GRB10: variants seen among roughly 807,000 people sequenced by gnomAD.
GRB10 encodes the protein growth factor receptor bound protein 10.
GRB10 carries 20 observed loss-of-function variants against 80.9 expected under a neutral mutation model. That is an observed-to-expected ratio of 0.25 (90% CI 0.17 to 0.36). GRB10 has a LOEUF of 0.36. Ranked by LOEUF, GRB10 falls within the 10% of genes least tolerant of loss-of-function variation. The probability of loss-of-function intolerance (pLI) is 1.00; values close to 1 mark genes in which losing one functional copy is unlikely to be tolerated. For missense variants in GRB10, 548 were observed against 747.7 expected, an observed-to-expected ratio of 0.73 and a Z score of 3.12; for synonymous variants, 291 against 291.5, an observed-to-expected ratio of 1.00 and a Z score of 0.02.
rs1173267526 is a variant in GRB10 at position 50,605,283 on chromosome 7, G to T, written c.1389+7C>A. ...CCCCTCCAGGCTGGCCAGGGCCGGG[G>T]CCTTACCCTCCAGGCGTGGCCCTCC... On this transcript the variant is annotated splice_region_variant and intron_variant, in intron 15 of 18. Transcript: ENST00000401949. The T allele has an allele frequency of 6.2e-7, 1 of 1,605,986 alleles. No individual in the cohort carries two copies. Among genetic ancestry groups the T allele is most frequent in the Non-Finnish European group, 8.5e-7 (1 of 1,173,712 alleles).
intron 17 of GRB10, among the ~76,000 whole-genome samples, chr7:50,597,041 G>T (rs2153561850): frequency 6.6e-6 from 1 of 152,294 alleles, no homozygotes. Context: ...AAATCACCAG[G>T]TCTAGATTGT....
chr7:50,781,741 GT>G (rs2078302615), intron 1 of GRB10, among the ~76,000 whole-genome samples: 1 of 152,212 alleles, frequency 6.6e-6, no homozygotes, highest in Non-Finnish European at 1.5e-5. Context: ...TGATCCGATT[GT>G]TTTTCTAAAG....
intron 13 of GRB10, among the ~76,000 whole-genome samples, chr7:50,611,207 C>T (rs1001657870): frequency 6.6e-6 from 1 of 152,204 alleles, no homozygotes; most frequent in African/African-American, 2.4e-5. Flanking sequence ...CCAATTTTTC[C>T]TGTTCCCTTC....
chr7:50,703,791 G>C, intron 5 of GRB10, 30 bp downstream of exon 5: 1 of 1,502,096 alleles, frequency 6.7e-7, no homozygotes. Context: ...CTAGAACTGG[G>C]AGTGTTCTTG....
At chr7:50,717,407 G>GCC (rs1316402010) in intron 4 of GRB10, among the ~76,000 whole-genome samples, 1 of 152,166 alleles carries the variant, frequency 6.6e-6, no homozygotes, top group Non-Finnish European at 1.5e-5. Flanking sequence ...TCCTAATGCT[G>GCC]CCACCGCAAG....
intron 7 of GRB10, among the ~76,000 whole-genome samples, chr7:50,655,070 T>C (rs1338389684): frequency 6.6e-6 from 1 of 152,202 alleles, no homozygotes; most frequent in Non-Finnish European, 1.5e-5. Flanking sequence ...GGGTTTTGTT[T>C]TTGGCTTTTG....
At chr7:50,600,885 C>T (rs1287020719) in intron 17 of GRB10, among the ~76,000 whole-genome samples, 2 of 152,336 alleles carry the variant, frequency 1.3e-5, no homozygotes, top group Middle Eastern at 3.4e-3. Flanking sequence ...CCTTCCACCC[C>T]ACAGCCCCAC....
intron 13 of GRB10, among the ~76,000 whole-genome samples, chr7:50,608,606 G>T (rs1392737213): frequency 6.6e-6 from 1 of 152,122 alleles, no homozygotes; most frequent in Admixed American, 6.5e-5. Context: ...GGAGTGAAAG[G>T]TCCTCATGCC....
intron 7 of GRB10, chr7:50,645,559 A>G (rs952604914): frequency 1.5e-5 from 15 of 975,534 alleles, no homozygotes; most frequent in Non-Finnish European, 1.8e-5. Context: ...GTCTAACACC[A>G]AGAAGAATAA....
At chr7:50,701,678 G>A (rs918829104) in intron 5 of GRB10, among the ~76,000 whole-genome samples, 2 of 152,142 alleles carry the variant, frequency 1.3e-5, no homozygotes, top group Non-Finnish European at 2.9e-5. Context: ...GCTTTATTTG[G>A]CCTTCCCTAG....
intron 2 of GRB10, among the ~76,000 whole-genome samples, chr7:50,756,636 C>T (rs1406957701): frequency 1.3e-5 from 2 of 152,216 alleles, no homozygotes; most frequent in Middle Eastern, 3.2e-3. Context: ...GTCCTATGAA[C>T]TGAGAGCTCA....
chr7:50,621,603 T>C (rs934664462), intron 8 of GRB10, among the ~76,000 whole-genome samples: 2 of 152,200 alleles, frequency 1.3e-5, no homozygotes, highest in African/African-American at 4.8e-5. Context: ...TGCACATCTG[T>C]TCAAAGATCT....
At chr7:50,692,496 C>T (rs1164366765) in intron 5 of GRB10, among the ~76,000 whole-genome samples, 1 of 152,132 alleles carries the variant, frequency 6.6e-6, no homozygotes, top group Non-Finnish European at 1.5e-5. Context: ...TGGCAAGGCA[C>T]AGCAGGAAGA....
intron 17 of GRB10, among the ~76,000 whole-genome samples, chr7:50,601,870 C>A (rs1187406804): frequency 6.6e-6 from 1 of 152,178 alleles, no homozygotes; most frequent in Non-Finnish European, 1.5e-5. Flanking sequence ...GTGAGAAATG[C>A]ATCATTTGAG....
At chr7:50,753,083 C>T (rs974502439) in intron 3 of GRB10, among the ~76,000 whole-genome samples, 3 of 152,136 alleles carry the variant, frequency 2.0e-5, no homozygotes, top group African/African-American at 7.2e-5. Flanking sequence ...GCCCTGAGGC[C>T]CAGCTGATTC....
intron 1 of GRB10, chr7:50,792,475 T>C (rs1450631974): frequency 5.0e-6 from 2 of 398,386 alleles, no homozygotes; most frequent in Non-Finnish European, 8.8e-6. Context: ...TCCAAGGCAG[T>C]CGTCAGGCAG....
intron 5 of GRB10, among the ~76,000 whole-genome samples, chr7:50,675,456 T>C (rs2060828731): frequency 1.3e-5 from 2 of 152,236 alleles, no homozygotes; most frequent in Admixed American, 6.5e-5. Context: ...AACACTAGAC[T>C]AGATGCTGTG....
chr7:50,608,775 G>A (rs1410371250), intron 13 of GRB10, among the ~76,000 whole-genome samples: 2 of 152,148 alleles, frequency 1.3e-5, no homozygotes, highest in African/African-American at 4.8e-5. Flanking sequence ...GACCAGCCTA[G>A]GCAACATGGC....
At chr7:50,773,364 G>A (rs941401875) in intron 2 of GRB10, among the ~76,000 whole-genome samples, 1 of 146,816 alleles carries the variant, frequency 6.8e-6, no homozygotes, top group African/African-American at 2.5e-5. Flanking sequence ...AAAGGCAAGG[G>A]AAGAGGAAGC....
Sources: allele counts gnomAD v4.1 joint callset (sites outside exome capture counted in the v4.1 genomes callset), GRCh38; gene constraint gnomAD v4.1.1; transcripts MANE v1.5; gene names NCBI Gene and HGNC (gene_info 2026-07-23, HGNC 2026-07-21).